ABCC12: variants seen among roughly 807,000 people sequenced by gnomAD.
ABCC12 encodes the protein ATP binding cassette subfamily C member 12.
A neutral mutation model predicts 151.1 loss-of-function variants in ABCC12; 142 were observed. That is an observed-to-expected ratio of 0.94 (90% confidence interval 0.82 to 1.08). The LOEUF is 1.08. Among genes scored for constraint, ABCC12 ranks in the 50% least tolerant of loss-of-function variants. The pLI is 0.00. For missense variants in ABCC12, 1,638 were observed against 1,691.1 expected, an observed-to-expected ratio of 0.97 and a Z score of 0.55; for synonymous variants, 645 against 646.4, an observed-to-expected ratio of 1.00 and a Z score of 0.03.
intron 22 of ABCC12, among the ~76,000 whole-genome samples, chr16:48,101,326 C>T (rs1963302004): frequency 6.6e-6 from 1 of 152,316 alleles, no homozygotes; most frequent in Non-Finnish European, 1.5e-5. Context: ...AGCACAGCCC[C>T]TAAGTATCAG....
At chr16:48,103,845 A>G (rs1963388607) in intron 22 of ABCC12, among the ~76,000 whole-genome samples, 1 of 152,248 alleles carries the variant, frequency 6.6e-6, no homozygotes, top group African/African-American at 2.4e-5. Context: ...CTCAAAGCTC[A>G]GAGCAGCAAC....
chr16:48,140,603 G>C (rs1224963120), intron 6 of ABCC12, 84 bp downstream of exon 6: 1 of 1,291,472 alleles, frequency 7.7e-7, no homozygotes, highest in Non-Finnish European at 1.1e-6. Context: ...GAAGGCAGGT[G>C]CTCCACTCAG....
Position 48,140,934 on chromosome 16 carries a change from T to A in ABCC12, c.424-14A>T. 6.2e-7 allele frequency: 1 copy of A among 1,609,212 alleles called. No individual in the cohort carries two copies. The highest frequency in any genetic ancestry group is 8.5e-7 in the Non-Finnish European group (1 of 1,176,230). The stretch of plus-strand genomic sequence containing the variant: ...AATGAGAACTGTCTGTAAAACAGCA[T>A]GGTGGGGAGAAGAGAGGGCCACTGA... On this transcript the variant is annotated splice_polypyrimidine_tract_variant and intron_variant, in intron 5 of 30. Coordinates refer to ENST00000311303, the MANE Select transcript of ABCC12 (RefSeq NM_001393797.1).
At position 48,146,708 on chromosome 16, in the gene ABCC12, T is replaced by A. The variant is rs567134467; in HGVS notation, c.-50-234A>T. On this transcript the variant is annotated intron_variant, in intron 2 of 30. Coordinates refer to ENST00000311303, the MANE Select transcript of ABCC12 (RefSeq NM_001393797.1). ...TTAATTCCTCTTTTCTCATGTTGGG[T>A]TGGCCAAGAGCAGAAAACCCTATGG... 3 of 306,942 alleles carry A rather than the reference T, an allele frequency of 9.8e-6. No individual in the cohort carries two copies. The South Asian group carries it at 1.7e-4, about 18-fold the overall frequency. The allele number at this position is 306,942 out of a possible 1,614,324, so 19.0% of individuals were successfully genotyped here. A position where few individuals can be genotyped will look rare whatever the true frequency, so the allele number is the denominator to read the frequency against.
Position 48,081,156 on chromosome 16 carries a change from A to T in ABCC12, c.*2559T>A, listed in dbSNP as rs1164534660. On this transcript the variant is annotated 3_prime_UTR_variant, in exon 31 of 31. Coordinates refer to ENST00000311303, the MANE Select transcript of ABCC12 (RefSeq NM_001393797.1). ...GTCACACTGAGGATTATGTTTCAAC[A>T]GGAGGATTTTGGGGGAACACAATGT... 6.6e-6 allele frequency among the ~76,000 whole-genome samples: 1 copy of T among 152,204 alleles called. No homozygotes were observed. The highest frequency in any genetic ancestry group is 2.4e-5 in the African/African-American group (1 of 41,446).
At chr16:48,133,032 G>A (rs975218190) in intron 9 of ABCC12, among the ~76,000 whole-genome samples, 12 of 151,908 alleles carry the variant, frequency 7.9e-5, no homozygotes, top group African/African-American at 2.4e-4. Context: ...TCCTCCCTCC[G>A]AGAAAATTTT....
rs1964168061 is a variant in ABCC12, at chr16:48,124,282, C to T, written c.1518G>A (p.Gly506=). ...CATTCCCACATATTCCCAAGATCTT[C>T]CCCTGCCAGAGAAACAGAGATGGGA... ...LHSISFVVRK[G]KILGICGNVG... is the part of the protein sequence containing the mutation. Residue 506 remains glycine, a splice_region_variant and synonymous_variant, in exon 12 of 31, where the codon GGG becomes GGA. Coordinates refer to ENST00000311303, the MANE Select transcript of ABCC12 (RefSeq NM_001393797.1). 17 of 1,614,122 alleles carry T rather than the reference C, an allele frequency of 1.1e-5. No individual in the cohort carries two copies. Among genetic ancestry groups the T allele is most frequent in the Non-Finnish European group, 1.3e-5 (15 of 1,179,958 alleles).
intron 2 of ABCC12, among the ~76,000 whole-genome samples, chr16:48,148,819 T>G (rs555908084): frequency 1.3e-5 from 2 of 151,656 alleles, no homozygotes; most frequent in African/African-American, 4.9e-5. Context: ...GACCAATTTC[T>G]GCTCAGCCTT....
intron 9 of ABCC12, among the ~76,000 whole-genome samples, chr16:48,133,180 G>A (rs764632391): frequency 1.3e-5 from 2 of 152,040 alleles, no homozygotes; most frequent in Non-Finnish European, 2.9e-5. Context: ...ATTAAGAACC[G>A]CTGCCAGGCT....
At chr16:48,126,502 G>C (rs751522012) in intron 11 of ABCC12, among the ~76,000 whole-genome samples, 5 of 152,232 alleles carry the variant, frequency 3.3e-5, no homozygotes, top group Admixed American at 1.3e-4. Flanking sequence ...TAGAACACTT[G>C]AGGGCAGCAC....
In ABCC12 at chr16:48,083,502, C is replaced by T. The variant is rs1597298052; in HGVS notation, c.*213G>A. ...TTTTAATCCATTAGCTGGGTCTGCC[C>T]CGGTTCACCACCCAGAACCAACCCC... On this transcript the variant is annotated 3_prime_UTR_variant, in exon 31 of 31. Coordinates refer to ENST00000311303, the MANE Select transcript of ABCC12 (RefSeq NM_001393797.1). 1.8e-6 allele frequency: 1 copy of T among 566,136 alleles called. No homozygotes were observed. The highest frequency in any genetic ancestry group is 3.1e-6 in the Non-Finnish European group (1 of 326,494). The allele number at this position is 566,136 out of a possible 1,614,324, so 35.1% of individuals were successfully genotyped here.
At position 48,130,840 on chromosome 16, in the gene ABCC12, G is replaced by C. The variant is rs768131343; in HGVS notation, c.1184C>G (p.Pro395Arg). 6.2e-7 allele frequency: 1 copy of C among 1,613,712 alleles called. No individual in the cohort carries two copies. The change falls in exon 10 of 31, where the codon CCC becomes CGC. Residue 395 changes from proline to arginine, a missense_variant. Physicochemically the swap from Pro to Arg is moderately radical, Grantham distance 103 (BLOSUM62 -2). Transcript: ENST00000311303. ...TTCAGCCATTGCTTTGATGGAGAAG[G>C]GCAAGATTGCAATGGAAAACTTCAT... The part of the protein sequence containing the change: ...NVMKFSIAIL[P>R]FSIKAMAEAN...
chr16:48,110,862 G>A (rs1963660505), intron 18 of ABCC12, among the ~76,000 whole-genome samples: 1 of 152,172 alleles, frequency 6.6e-6, no homozygotes, highest in Admixed American at 6.5e-5. Flanking sequence ...ACAAGATCCT[G>A]AGAACACGGG....
At position 48,081,900 on chromosome 16, in the gene ABCC12, C is replaced by T. The variant is rs1025325226; in HGVS notation, c.*1815G>A. Among the ~76,000 whole-genome samples the T allele has an allele frequency of 2.0e-5, 3 of 152,192 alleles. No individual in the cohort carries two copies. The highest frequency in any genetic ancestry group is 4.4e-5 in the Non-Finnish European group (3 of 68,026). ...TTGGTAGAAAGTAAAGCATCCCTCC[C>T]TGACATTGCACAACTGTCATGGATT... is the stretch of plus-strand genomic sequence containing the variant. On this transcript the variant is annotated 3_prime_UTR_variant, in exon 31 of 31. Transcript: ENST00000311303.
intron 24 of ABCC12, among the ~76,000 whole-genome samples, chr16:48,093,722 C>CAT (rs1039771932): frequency 2.4e-4 from 36 of 152,220 alleles, no homozygotes; most frequent in African/African-American, 8.4e-4. Context: ...TTGAGAAGGG[C>CAT]ATATACATCT....
rs766599904 is a variant in ABCC12 at position 48,117,310 on chromosome 16, C to A, written c.1736G>T (p.Cys579Phe). 7.1e-5 allele frequency: 114 copies of A among 1,613,752 alleles called. No individual in the cohort carries two copies. The highest frequency in any genetic ancestry group is 1.6e-4 in the Middle Eastern group (1 of 6,078). The change falls in exon 14 of 31, where the codon TGT (cysteine) becomes TTT (phenylalanine). Residue 579 changes from cysteine to phenylalanine, a missense_variant. Transcript: ENST00000311303. ...HQRYQHTVRV[C>F]GLQKDLSNLP... Reference sequence around the variant, plus strand: ...GTTGCTCAGGTCCTTCTGGAGGCCACAGACGCGGACTGTGTGCTGATACCT... The same window carrying A: ...GTTGCTCAGGTCCTTCTGGAGGCCAAAGACGCGGACTGTGTGCTGATACCT...
rs1962352005 is a variant in ABCC12, at chr16:48,081,729, C to T, written c.*1986G>A. Among the ~76,000 whole-genome samples, 1 of 152,274 alleles carries T rather than the reference C, an allele frequency of 6.6e-6. No individual in the cohort carries two copies. Among genetic ancestry groups the T allele is most frequent in the South Asian group, 2.1e-4 (1 of 4,820 alleles). ...CTTCTTCTGCCAGAGTAAACCAAAG[C>T]GAGTGTGGGCAGAAAAGGAGTCATA... On this transcript the variant is annotated 3_prime_UTR_variant, in exon 31 of 31. Transcript: ENST00000311303.
At chr16:48,135,458 G>A (rs150115941) in intron 8 of ABCC12, among the ~76,000 whole-genome samples, 195 of 152,150 alleles carry the variant, frequency 1.3e-3, no homozygotes, top group Admixed American at 3.6e-3. Flanking sequence ...AGAGCTCACT[G>A]CAGCCTTGAC....
chr16:48,085,630 A>G lies in ABCC12; in HGVS notation c.3791T>C (p.Leu1264Pro), dbSNP rs1296184749. 1 of 1,614,028 alleles carries G rather than the reference A, an allele frequency of 6.2e-7. No individual in the cohort carries two copies. Among genetic ancestry groups the G allele is most frequent in the Admixed American group, 1.7e-5 (1 of 59,998 alleles). The change falls in exon 29 of 31, where the codon CTG becomes CCG. Residue 1264 changes from leucine to proline, a missense_variant. Transcript: ENST00000311303. Reference sequence around the variant, plus strand: ...GAGAAGAGCTCGGGCCACACAAAGCAGCTGACGTTCCCCTACTGAGAAGTT... The same window carrying G: ...GAGAAGAGCTCGGGCCACACAAAGCGGCTGACGTTCCCCTACTGAGAAGTT... ...GENFSVGERQ[L>P]LCVARALLRN...
Sources: allele counts gnomAD v4.1 joint callset (sites outside exome capture counted in the v4.1 genomes callset), GRCh38; gene constraint gnomAD v4.1.1; transcripts MANE v1.5; gene names NCBI Gene and HGNC (gene_info 2026-07-23, HGNC 2026-07-21).